HDAC9: variants seen among roughly 807,000 people sequenced by gnomAD.
HDAC9 encodes the protein MEF-2 interacting transcription repressor (MITR) protein.
A neutral mutation model predicts 139.4 loss-of-function variants in HDAC9; 41 were observed. The observed-to-expected ratio is 0.29, with a 90% confidence interval of 0.23 to 0.38. The LOEUF (loss-of-function observed/expected upper bound fraction) is 0.38, where lower values mean the gene tolerates loss of function less well. HDAC9 is among the 10% of genes least tolerant of loss of function. HDAC9 has a pLI of 1.00. For synonymous variants in HDAC9, 517 were observed against 476.2 expected, an observed-to-expected ratio of 1.09 and a Z score of -1.12; for missense variants, 1,147 against 1,297.0, an observed-to-expected ratio of 0.88 and a Z score of 1.78.
At chr7:18,861,021 T>C (rs1798063234) in intron 21 of HDAC9, among the ~76,000 whole-genome samples, 1 of 152,188 alleles carries the variant, frequency 6.6e-6, no homozygotes, top group Non-Finnish European at 1.5e-5. Flanking sequence ...GAAAGACTGA[T>C]TTAGTAATGC....
chr7:18,358,327 A>G (rs1364017540), intron 1 of HDAC9, among the ~76,000 whole-genome samples: 1 of 151,916 alleles, frequency 6.6e-6, no homozygotes, highest in Non-Finnish European at 1.5e-5. Flanking sequence ...TTGGGAGCAC[A>G]AACACTTATG....
intron 2 of HDAC9, among the ~76,000 whole-genome samples, chr7:18,238,365 A>G (rs1793963540): frequency 6.6e-6 from 1 of 152,226 alleles, no homozygotes; most frequent in African/African-American, 2.4e-5. Context: ...AACATCAGTC[A>G]TAACCACGTC....
intron 21 of HDAC9, among the ~76,000 whole-genome samples, chr7:18,857,995 A>G (rs1277840644): frequency 1.3e-5 from 2 of 152,206 alleles, no homozygotes; most frequent in African/African-American, 4.8e-5. Context: ...GTCTAAAACA[A>G]ATACACATGC....
intron 17 of HDAC9, among the ~76,000 whole-genome samples, chr7:18,812,191 C>A (rs1794226372): frequency 6.6e-6 from 1 of 151,796 alleles, no homozygotes; most frequent in African/African-American, 2.4e-5. Context: ...CCCATGGATA[C>A]AAGGGTCAAC....
intron 2 of HDAC9, among the ~76,000 whole-genome samples, chr7:18,250,555 C>T (rs1794851726): frequency 6.6e-6 from 1 of 152,124 alleles, no homozygotes; most frequent in Non-Finnish European, 1.5e-5. Context: ...ATTAGTAGAT[C>T]AAAATCTTGT....
intron 24 of HDAC9, among the ~76,000 whole-genome samples, chr7:18,964,403 T>G (rs1783717854): frequency 6.6e-6 from 1 of 152,212 alleles, no homozygotes; most frequent in Admixed American, 6.5e-5. Context: ...TTCATTTTAG[T>G]AGCTTATTTC....
chr7:18,682,185 C>G (rs1781935217), intron 12 of HDAC9, among the ~76,000 whole-genome samples: 1 of 152,004 alleles, frequency 6.6e-6, no homozygotes, highest in Non-Finnish European at 1.5e-5. Flanking sequence ...ATCTTACTTA[C>G]AAACCTATGA....
intron 2 of HDAC9, among the ~76,000 whole-genome samples, chr7:18,162,976 A>C (rs959033239): frequency 6.6e-6 from 1 of 152,206 alleles, no homozygotes; most frequent in African/African-American, 2.4e-5. Context: ...TTTGGGAATG[A>C]TGAAGTAGGG....
At chr7:18,507,336 G>C (rs1411691572) in intron 2 of HDAC9, among the ~76,000 whole-genome samples, 1 of 149,048 alleles carries the variant, frequency 6.7e-6, no homozygotes. Flanking sequence ...AACTACAGGC[G>C]CCCGCCACCA....
intron 1 of HDAC9, among the ~76,000 whole-genome samples, chr7:18,381,114 G>A (rs1785392068): frequency 1.4e-5 from 2 of 140,156 alleles, no homozygotes; most frequent in Non-Finnish European, 3.0e-5. Flanking sequence ...CACAAGAATT[G>A]CCTAAACCCA....
chr7:18,684,324 C>A (rs1331262645), intron 12 of HDAC9, among the ~76,000 whole-genome samples: 1 of 149,576 alleles, frequency 6.7e-6, no homozygotes, highest in Non-Finnish European at 1.5e-5. Flanking sequence ...TTACTGACAA[C>A]AAAAACTTTC....
At chr7:18,893,967 A>C (rs1213489354) in intron 22 of HDAC9, among the ~76,000 whole-genome samples, 1 of 152,188 alleles carries the variant, frequency 6.6e-6, no homozygotes, top group Non-Finnish European at 1.5e-5. Context: ...GAAGAAGGCA[A>C]GTATGAGATG....
intron 1 of HDAC9, among the ~76,000 whole-genome samples, chr7:18,446,209 G>A (rs1431167907): frequency 3.3e-5 from 5 of 152,182 alleles, no homozygotes; most frequent in African/African-American, 9.7e-5. Flanking sequence ...TAAAGTGAGA[G>A]AACTGTATCT....
intron 1 of HDAC9, among the ~76,000 whole-genome samples, chr7:18,464,240 C>T (rs185933930): frequency 6.6e-5 from 10 of 151,922 alleles, no homozygotes; most frequent in Admixed American, 5.2e-4. Flanking sequence ...TTCTTTTAAG[C>T]AGCATGTTTT....
intron 1 of HDAC9, among the ~76,000 whole-genome samples, chr7:18,118,201 A>G (rs1784135025): frequency 6.6e-6 from 1 of 152,224 alleles, no homozygotes; most frequent in Non-Finnish European, 1.5e-5. Flanking sequence ...AAATGAGCCA[A>G]GTAATCACAT....
intron 22 of HDAC9, among the ~76,000 whole-genome samples, chr7:18,915,848 G>A (rs1459721372): frequency 6.6e-6 from 1 of 151,296 alleles, no homozygotes; most frequent in African/African-American, 2.4e-5. Flanking sequence ...CTTTAAAATT[G>A]TGTTCCTTTG....
chr7:18,925,136 A>C (rs1226293227), intron 22 of HDAC9, among the ~76,000 whole-genome samples: 2 of 152,164 alleles, frequency 1.3e-5, no homozygotes, highest in Non-Finnish European at 2.9e-5. Context: ...ACGTTTGAGG[A>C]TTATTTTTCA....
intron 4 of HDAC9, among the ~76,000 whole-genome samples, chr7:18,590,865 C>G (rs1374199610): frequency 6.6e-6 from 1 of 152,160 alleles, no homozygotes; most frequent in East Asian, 1.9e-4. Flanking sequence ...CTAAGTAAAG[C>G]CTTGCCTCCA....
chr7:18,317,392 G>T (rs1035749786), intron 1 of HDAC9, among the ~76,000 whole-genome samples: 15 of 152,200 alleles, frequency 9.9e-5, no homozygotes, highest in African/African-American at 3.6e-4. Flanking sequence ...TTATTATCTT[G>T]AGGGCGTTGC....
Sources: allele counts gnomAD v4.1 joint callset (sites outside exome capture counted in the v4.1 genomes callset), GRCh38; gene constraint gnomAD v4.1.1; transcripts MANE v1.5; gene names NCBI Gene and HGNC (gene_info 2026-07-23, HGNC 2026-07-21).